NEB: variants seen among roughly 807,000 people sequenced by gnomAD.
NEB encodes the protein nebulin.
In NEB, 512 loss-of-function variants were observed where a neutral mutation model predicts 952.2. That is an observed-to-expected ratio of 0.54 (90% CI 0.50 to 0.58). NEB has a LOEUF of 0.58. Among genes scored for constraint, NEB ranks in the 20% least tolerant of loss-of-function variants. NEB has a pLI of 0.00. For missense variants in NEB, 8,428 were observed against 9,231.1 expected (o/e 0.91, Z 3.56); for synonymous variants, 2,900 against 3,149.8 (o/e 0.92, Z 2.66).
Position 151,549,711 on chromosome 2 carries a change from C to T in NEB, c.19974G>A (p.Leu6658=), listed in dbSNP as rs1247188728. The T allele has an allele frequency of 2.5e-6, 4 of 1,593,408 alleles. No individual in the cohort carries two copies. The highest frequency in any genetic ancestry group is 1.7e-4 in the Middle Eastern group (1 of 6,030). The part of the protein sequence containing the change: ...SNLYKTSLRT[L]PTGYRLPGDT... ...CACCTGGAAGTCTATATCCAGTGGG[C>T]AGGGTGCGCAGGCTGGTTTTGTATA... Residue 6658 remains leucine, a synonymous_variant, in exon 130 of 182, where the codon CTG becomes CTA. Transcript: ENST00000397345.
chr2:151,505,039 TATG>T (rs1482337463), intron 165 of NEB, among the ~76,000 whole-genome samples: 4 of 152,192 alleles, frequency 2.6e-5, no homozygotes. Context: ...CTATCATTCA[TATG>T]ATGTGTCATA....
At position 151,646,175 on chromosome 2, in the gene NEB, T is replaced by A; in HGVS notation, c.7491A>T (p.Thr2497=). The A allele has an allele frequency of 6.2e-7, 1 of 1,604,846 alleles. No individual in the cohort carries two copies. Among genetic ancestry groups the A allele is most frequent in the Non-Finnish European group, 8.5e-7 (1 of 1,175,288 alleles). ...DKTQIHIMPD[T]PDIVLAKANL... Reference sequence around the variant, plus strand: ...TTGCTTTAGCCAGAACAATGTCAGGTGTATCAGGCATGATGTGGATCTGAG... The same window carrying A: ...TTGCTTTAGCCAGAACAATGTCAGGAGTATCAGGCATGATGTGGATCTGAG... Residue 2497 remains threonine, a synonymous_variant, in exon 55 of 182, where the codon ACA becomes ACT. Transcript: ENST00000397345.
Position 151,614,505 on chromosome 2 carries a change from C to T in NEB, c.11372G>A (p.Trp3791Ter). ...CTGGATCTTGGCCACATGGATGGAC[C>T]ACATCATCTTCGGGTCATCCTTAAT... is the stretch of plus-strand genomic sequence containing the variant. ...RNIKDDPKMM[W>*]SIHVAKIQSD... Residue 3791 changes from tryptophan (W) to a stop codon, truncating the protein, a stop_gained, in exon 77 of 182, where the codon TGG (tryptophan) becomes TAG (stop). Coordinates refer to ENST00000397345, the MANE Select transcript of NEB (RefSeq NM_001164508.2). LOFTEE classifies it high-confidence loss of function. 6.2e-7 allele frequency: 1 copy of T among 1,613,874 alleles called. No individual in the cohort carries two copies. The highest frequency in any genetic ancestry group is 8.5e-7 in the Non-Finnish European group (1 of 1,179,860).
chr2:151,640,659 T>A lies in NEB; in HGVS notation c.8381A>T (p.Tyr2794Phe), dbSNP rs750548574. 1.1e-4 allele frequency: 182 copies of A among 1,607,658 alleles called. No homozygotes were observed. Among genetic ancestry groups the A allele is most frequent in the Middle Eastern group, 1.7e-4 (1 of 6,060 alleles). Residue 2794 changes from tyrosine to phenylalanine, a missense_variant, in exon 61 of 182, where the codon TAC becomes TTC. Coordinates refer to ENST00000397345, the MANE Select transcript of NEB (RefSeq NM_001164508.2). ...GAGCTGCTTACGATAGCCTTCTTTG[T>A]ACTTGAACTAAAAGAAGAAAAAGAC... is the stretch of plus-strand genomic sequence containing the variant. ...ASRDIASEFK[Y>F]KEGYRKQLGH...
chr2:151,620,028 G>C lies in NEB; in HGVS notation c.10561-266C>G, dbSNP rs369014813. Among the ~76,000 whole-genome samples the C allele has an allele frequency of 9.2e-5, 14 of 152,166 alleles. No individual in the cohort carries two copies. In the South Asian group the frequency reaches 1.2e-3, roughly 14 times the overall value. On this transcript the variant is annotated intron_variant, in intron 72 of 181. Transcript: ENST00000397345. ...TACTGAAATGAAGAGTCCAATTACA[G>C]TAATAAACCATGATGGTGTCTCAGA...
At chr2:151,651,863 A>G (rs571868690) in intron 52 of NEB, among the ~76,000 whole-genome samples, 1 of 152,374 alleles carries the variant, frequency 6.6e-6, no homozygotes, top group South Asian at 2.1e-4. Context: ...TTTAAAAAGC[A>G]GTGCCATAGA....
rs760335435 is a variant in NEB at position 151,553,425 on chromosome 2, G to A, written c.19704C>T (p.Ala6568=). The change falls in exon 127 of 182, where the codon GCC becomes GCT. Residue 6568 remains alanine (A), a synonymous_variant. Transcript: ENST00000397345. ...CATCACGTAGATCATAAGCATGCTT[G>A]GCATGGAGGATTTCAGGAGTGTCCC... ...YVWDTPEILH[A]KHAYDLRDDI... is the part of the protein sequence containing the mutation. The A allele has an allele frequency of 4.3e-6, 7 of 1,613,462 alleles. No individual in the cohort carries two copies. In the Admixed American group the frequency reaches 6.7e-5, roughly 15 times the overall value.
chr2:151,540,555 G>T, intron 137 of NEB, 107 bp from the exon 138 acceptor site: 2 of 1,116,594 alleles, frequency 1.8e-6, no homozygotes, highest in East Asian at 2.6e-5. Flanking sequence ...CACACTTTAA[G>T]AGAATAGCTC....
chr2:151,703,022 G>A (rs909352020), intron 13 of NEB, among the ~76,000 whole-genome samples: 24 of 151,934 alleles, frequency 1.6e-4, no homozygotes, highest in South Asian at 6.3e-4. Context: ...CATGTTTAGC[G>A]CTTCCTTCAG....
intron 32 of NEB, 50 bp downstream of exon 32, chr2:151,679,666 AAGCCC>A: frequency 3.2e-6 from 1 of 309,448 alleles, no homozygotes; most frequent in Non-Finnish European, 6.5e-6. Flanking sequence ...GTCAGACCCC[AAGCCC>A]ACCCACCCAC....
chr2:151,636,970 T>C (rs887130239), intron 63 of NEB, among the ~76,000 whole-genome samples: 3 of 152,150 alleles, frequency 2.0e-5, no homozygotes, highest in African/African-American at 7.2e-5. Flanking sequence ...AGTTCTAGCA[T>C]GGTAAAATGT....
rs972093177 is a variant in NEB, at chr2:151,626,949, T to C, written c.10347+53A>G. On this transcript the variant is annotated intron_variant, in intron 70 of 181. Transcript: ENST00000397345. The stretch of plus-strand genomic sequence containing the variant: ...AGAGACTAACTTAATTAACAATAGG[T>C]ATCTTGAATGACATATAGCCCTGTC... 3 of 1,577,768 alleles carry C rather than the reference T, an allele frequency of 1.9e-6. No individual in the cohort carries two copies. The African/African-American group carries it at 4.1e-5, about 21-fold the overall frequency.
At chr2:151,501,973 CCAAGA>C (rs1485478352) in intron 167 of NEB, among the ~76,000 whole-genome samples, 5 of 152,022 alleles carry the variant, frequency 3.3e-5, no homozygotes, top group African/African-American at 7.2e-5. Flanking sequence ...CAAAAAATAG[CCAAGA>C]CAAGTAAATT....
In NEB at chr2:151,548,406, T is replaced by C; in HGVS notation, c.20059A>G (p.Lys6687Glu). The C allele has an allele frequency of 5.6e-6, 9 of 1,612,414 alleles. No individual in the cohort carries two copies. The highest frequency in any genetic ancestry group is 7.6e-6 in the Non-Finnish European group (9 of 1,178,492). Residue 6687 changes from lysine (K) to glutamate (E), a missense_variant, in exon 131 of 182, where the codon AAA (lysine) becomes GAA (glutamate). Physicochemically the swap from Lys to Glu is moderately conservative, Grantham distance 56. Transcript: ENST00000397345. ...TRYMSSYFKY[K>E]EAYEHTKAYG... ...GCCTTGGTGTGTTCATAGGCTTCTTTGTACTTGAACTGCAAAAGCAAAGTC... is the reference window on the plus strand; with the variant it reads ...GCCTTGGTGTGTTCATAGGCTTCTTCGTACTTGAACTGCAAAAGCAAAGTC...
At chr2:151,640,908 T>C (rs2098838606) in intron 60 of NEB, among the ~76,000 whole-genome samples, 1 of 152,036 alleles carries the variant, frequency 6.6e-6, no homozygotes, top group Admixed American at 6.6e-5. Context: ...AATGTGAAAG[T>C]CATTCTGTTA....
chr2:151,650,840 C>T lies in NEB; in HGVS notation c.6961G>A (p.Gly2321Arg), dbSNP rs1575132924. 1 of 1,613,510 alleles carries T rather than the reference C, an allele frequency of 6.2e-7. No individual in the cohort carries two copies. The highest frequency in any genetic ancestry group is 1.3e-5 in the African/African-American group (1 of 75,036). ...GYRKQLGHHV[G>R]FRSLQDDPKL... ...GGGTCATCTTGCAGACTCCGGAATC[C>T]AACATGGTGGCCAAGTTGCTTTCGG... The change falls in exon 53 of 182, where the codon GGA becomes AGA. Residue 2321 changes from glycine (G) to arginine (R), a missense_variant. Transcript: ENST00000397345.
At chr2:151,657,954 A>G (rs1438391829) in intron 48 of NEB, 29 bp downstream of exon 48, 1 of 1,504,040 alleles carries the variant, frequency 6.6e-7, no homozygotes, top group Admixed American at 1.8e-5. Context: ...AGAAACCCCC[A>G]GCCAGGTGAC....
chr2:151,604,080 T>C (rs1322593951), intron 85 of NEB, among the ~76,000 whole-genome samples: 4 of 123,884 alleles, frequency 3.2e-5, no homozygotes, highest in African/African-American at 1.1e-4. Flanking sequence ...CTGCCTTTTA[T>C]GTACCACTGG....
At position 151,687,752 on chromosome 2, in the gene NEB, G is replaced by A; in HGVS notation, c.2416-19C>T. The A allele has an allele frequency of 6.4e-7, 1 of 1,556,116 alleles. No individual in the cohort carries two copies. Among genetic ancestry groups the A allele is most frequent in the Non-Finnish European group, 8.7e-7 (1 of 1,146,976 alleles). On this transcript the variant is annotated intron_variant, in intron 25 of 181. Transcript: ENST00000397345. ...AAACATTCTGGACAAGAAAAATTCAGCAAAGGAATGATAAGAACAACAGTG... is the reference window on the plus strand; with the variant it reads ...AAACATTCTGGACAAGAAAAATTCAACAAAGGAATGATAAGAACAACAGTG...
Sources: allele counts gnomAD v4.1 joint callset (sites outside exome capture counted in the v4.1 genomes callset), GRCh38; gene constraint gnomAD v4.1.1; transcripts MANE v1.5; gene names NCBI Gene and HGNC (gene_info 2026-07-23, HGNC 2026-07-21).